The following ASB18 variants were observed in gnomAD, a reference collection of about 807,000 sequenced individuals.
The protein encoded by ASB18 is ankyrin repeat and SOCS box protein 18.
In ASB18, 33 loss-of-function variants were observed where a neutral mutation model predicts 33.4. That is an observed-to-expected ratio of 0.99 (90% CI 0.75 to 1.32). The LOEUF (loss-of-function observed/expected upper bound fraction) is 1.32, where lower values mean the gene tolerates loss of function less well. ASB18 is among the 40% of genes most tolerant of loss of function. ASB18 has a pLI of 0.00. For synonymous variants in ASB18, 295 were observed against 307.6 expected, an observed-to-expected ratio of 0.96 and a Z score of 0.43; for missense variants, 694 against 655.5, an observed-to-expected ratio of 1.06 and a Z score of -0.64.
chr2:236,217,925 G>C lies in ASB18; in HGVS notation c.597-3059C>G, dbSNP rs2060494970. Reference sequence around the variant, plus strand: ...TTTTGAACAGTGCAGCAGGACGTTAGAAATCAAGGGTTCCTTCTCGTTTTG... The same window carrying C: ...TTTTGAACAGTGCAGCAGGACGTTACAAATCAAGGGTTCCTTCTCGTTTTG... On this transcript the variant is annotated intron_variant, in intron 3 of 5. Coordinates refer to ENST00000409749, the MANE Select transcript of ASB18 (RefSeq NM_212556.4). The surrounding 1 kb of genome is among the most constrained non-coding windows in gnomAD (Gnocchi z 5.2). Among the ~76,000 whole-genome samples, 1 of 152,222 alleles carries C rather than the reference G, an allele frequency of 6.6e-6. No homozygotes were observed. Among genetic ancestry groups the C allele is most frequent in the African/African-American group, 2.4e-5 (1 of 41,450 alleles).
At chr2:236,201,207 A>C (rs1204072336) in intron 4 of ASB18, among the ~76,000 whole-genome samples, 2 of 151,622 alleles carry the variant, frequency 1.3e-5, no homozygotes, top group Admixed American at 6.6e-5. Flanking sequence ...GCTGCAGTGC[A>C]GTGGTGTGAT....
chr2:236,208,572 T>C lies in ASB18; in HGVS notation c.1101+5790A>G, dbSNP rs1387233096. On this transcript the variant is annotated intron_variant, in intron 4 of 5. Coordinates refer to ENST00000409749, the MANE Select transcript of ASB18 (RefSeq NM_212556.4). The surrounding 1 kb of genome is among the most constrained non-coding windows in gnomAD (Gnocchi z 7.7). ...CAGGTAACCCGGACATGCCCCACCCTGGGAAGAGGTGCCCTCCATTAGAGC... is the reference window on the plus strand; with the variant it reads ...CAGGTAACCCGGACATGCCCCACCCCGGGAAGAGGTGCCCTCCATTAGAGC... Among the ~76,000 whole-genome samples the C allele has an allele frequency of 6.6e-6, 1 of 151,300 alleles. No individual in the cohort carries two copies. The highest frequency in any genetic ancestry group is 1.5e-5 in the Non-Finnish European group (1 of 67,798).
chr2:236,262,697 AC>A lies in ASB18; in HGVS notation c.205+1443del, dbSNP rs775649727. Among the ~76,000 whole-genome samples, 11 of 150,470 alleles carry A rather than the reference AC, an allele frequency of 7.3e-5. No individual in the cohort carries two copies. The highest frequency in any genetic ancestry group is 1.3e-4 in the Non-Finnish European group (9 of 67,536). ...TGCTTGTGATGACAACCTCCCCTAA[AC>A]CCCCCCCAGGGCAATCTTCTAGAGA... On this transcript the variant is annotated intron_variant, in intron 1 of 5. Coordinates refer to ENST00000409749, the MANE Select transcript of ASB18 (RefSeq NM_212556.4). This position sits in a 1 kb window ranked among gnomAD's most constrained non-coding sequence, Gnocchi z 5.2.
chr2:236,228,643 G>A lies in ASB18; in HGVS notation c.596+9046C>T, dbSNP rs899143811. On this transcript the variant is annotated intron_variant, in intron 3 of 5. Coordinates refer to ENST00000409749, the MANE Select transcript of ASB18 (RefSeq NM_212556.4). This position sits in a 1 kb window ranked among gnomAD's most constrained non-coding sequence, Gnocchi z 5.1. Reference sequence around the variant, plus strand: ...ACCAGAAAGTTTCTAGGACAGAAACGGTGCAGTGCTCATCACATGCACAGG... The same window carrying A: ...ACCAGAAAGTTTCTAGGACAGAAACAGTGCAGTGCTCATCACATGCACAGG... Among the ~76,000 whole-genome samples the A allele has an allele frequency of 2.0e-5, 3 of 152,150 alleles. No individual in the cohort carries two copies. The highest frequency in any genetic ancestry group is 2.9e-5 in the Non-Finnish European group (2 of 68,038).
chr2:236,244,662 T>G lies in ASB18; in HGVS notation c.206-3260A>C, dbSNP rs2106281904. Among the ~76,000 whole-genome samples the G allele has an allele frequency of 6.6e-6, 1 of 151,952 alleles. No homozygotes were observed. The highest frequency in any genetic ancestry group is 2.1e-4 in the South Asian group (1 of 4,792). ...CTCTGAGTGCCCAACCAGAGCAGGC[T>G]TTCTGTGTGGGCTCTTTATTTGGAA... On this transcript the variant is annotated intron_variant, in intron 1 of 5. Coordinates refer to ENST00000409749, the MANE Select transcript of ASB18 (RefSeq NM_212556.4). The surrounding 1 kb of genome is among the most constrained non-coding windows in gnomAD (Gnocchi z 6.1).
chr2:236,240,229 C>A (rs989997348), intron 2 of ASB18, among the ~76,000 whole-genome samples: 2 of 152,202 alleles, frequency 1.3e-5, no homozygotes, highest in East Asian at 1.9e-4. Flanking sequence ...GGGTCGGCTG[C>A]GACATGCAGC....
intron 3 of ASB18, among the ~76,000 whole-genome samples, chr2:236,230,336 T>C (rs1000344493): frequency 6.6e-6 from 1 of 150,408 alleles, no homozygotes; most frequent in African/African-American, 2.5e-5. Flanking sequence ...CCATTAGACA[T>C]ACAGTGCAAG....
At chr2:236,199,537 A>G (rs1396816048) in intron 4 of ASB18, among the ~76,000 whole-genome samples, 2 of 150,442 alleles carry the variant, frequency 1.3e-5, no homozygotes, top group Admixed American at 6.7e-5. Flanking sequence ...TAAAATGATA[A>G]TATCACTATA....
chr2:236,244,634 G>A lies in ASB18; in HGVS notation c.206-3232C>T, dbSNP rs1244089999. ...CCCTACCCCTCGTCAAGTGCCCCCC[G>A]ACCTCTGAGTGCCCAACCAGAGCAG... On this transcript the variant is annotated intron_variant, in intron 1 of 5. Transcript: ENST00000409749. The surrounding 1 kb of genome is among the most constrained non-coding windows in gnomAD (Gnocchi z 6.1). Among the ~76,000 whole-genome samples the A allele has an allele frequency of 6.6e-6, 1 of 151,196 alleles. No homozygotes were observed. The highest frequency in any genetic ancestry group is 1.5e-5 in the Non-Finnish European group (1 of 67,844).
At position 236,252,571 on chromosome 2, in the gene ASB18, T is replaced by G. The variant is rs59316201; in HGVS notation, c.206-11169A>C. Among the ~76,000 whole-genome samples the G allele has an allele frequency of 4.5e-3, 688 of 152,204 alleles. 7 individuals are homozygous for G. The highest frequency in any genetic ancestry group is 0.015 in the African/African-American group (604 of 41,520). Reference sequence around the variant, plus strand: ...TGTCTGTTTTCTCCTCTTGATCTATTGTTGCGGGGAGCTATACCCTATGTT... The same window carrying G: ...TGTCTGTTTTCTCCTCTTGATCTATGGTTGCGGGGAGCTATACCCTATGTT... On this transcript the variant is annotated intron_variant, in intron 1 of 5. Transcript: ENST00000409749. The surrounding 1 kb of genome is among the most constrained non-coding windows in gnomAD (Gnocchi z 7.9).
chr2:236,226,725 T>G lies in ASB18; in HGVS notation c.596+10964A>C, dbSNP rs914550083. Among the ~76,000 whole-genome samples the G allele has an allele frequency of 6.6e-5, 10 of 152,198 alleles. No homozygotes were observed. Among genetic ancestry groups the G allele is most frequent in the Non-Finnish European group, 1.5e-4 (10 of 68,028 alleles). ...ATTTTGTGTTTATTTTGTGCTATGA[T>G]TGGGTGCTGCATTCTGATTTCTTAG... On this transcript the variant is annotated intron_variant, in intron 3 of 5. Transcript: ENST00000409749. This position sits in a 1 kb window ranked among gnomAD's most constrained non-coding sequence, Gnocchi z 4.8.
rs115723087 is a variant in ASB18 at position 236,262,760 on chromosome 2, G to A, written c.205+1381C>T. 0.012 allele frequency among the ~76,000 whole-genome samples: 1,848 copies of A among 152,216 alleles called. 47 individuals carry two copies. Among genetic ancestry groups the A allele is most frequent in the African/African-American group, 0.042 (1,753 of 41,530 alleles). On this transcript the variant is annotated intron_variant, in intron 1 of 5. Coordinates refer to ENST00000409749, the MANE Select transcript of ASB18 (RefSeq NM_212556.4). This position sits in a 1 kb window ranked among gnomAD's most constrained non-coding sequence, Gnocchi z 5.2. ...CCAAGTTTGGGATCATGGCTCCTGG[G>A]CCTATGGACCCCCGCCAGATATTAG...
At position 236,222,638 on chromosome 2, in the gene ASB18, A is replaced by T. The variant is rs1352456567; in HGVS notation, c.597-7772T>A. ...GGGCCTGGTGGGAGGTGGTTGGTTC[A>T]TGGGGGTAGGTCTCTCACGAATGGT... On this transcript the variant is annotated intron_variant, in intron 3 of 5. Coordinates refer to ENST00000409749, the MANE Select transcript of ASB18 (RefSeq NM_212556.4). The surrounding 1 kb of genome is among the most constrained non-coding windows in gnomAD (Gnocchi z 5.5). 6.6e-6 allele frequency among the ~76,000 whole-genome samples: 1 copy of T among 152,162 alleles called. No homozygotes were observed. The highest frequency in any genetic ancestry group is 2.4e-5 in the African/African-American group (1 of 41,426).
chr2:236,209,384 T>C lies in ASB18; in HGVS notation c.1101+4978A>G, dbSNP rs915954197. 6.6e-6 allele frequency among the ~76,000 whole-genome samples: 1 copy of C among 151,966 alleles called. No individual in the cohort carries two copies. Among genetic ancestry groups the C allele is most frequent in the African/African-American group, 2.4e-5 (1 of 41,344 alleles). On this transcript the variant is annotated intron_variant, in intron 4 of 5. Coordinates refer to ENST00000409749, the MANE Select transcript of ASB18 (RefSeq NM_212556.4). This position sits in a 1 kb window ranked among gnomAD's most constrained non-coding sequence, Gnocchi z 4.4. ...ACCCCCTGGGTTTAGGTAATCCTCC[T>C]GTCTCAGCCTCCTGAGTAACTGGGA... is the stretch of plus-strand genomic sequence containing the variant.
chr2:236,210,814 T>C (rs7584847), intron 4 of ASB18, among the ~76,000 whole-genome samples: 26,229 of 152,154 alleles, frequency 0.17, 2,282 homozygotes, highest in South Asian at 0.25. Context: ...AAGGAGGCAG[T>C]GGAGGGCAGG....
rs2060366182 is a variant in ASB18, at chr2:236,195,207, G to C, written c.1216-150C>G. On this transcript the variant is annotated intron_variant, in intron 5 of 5. Coordinates refer to ENST00000409749, the MANE Select transcript of ASB18 (RefSeq NM_212556.4). This position sits in a 1 kb window ranked among gnomAD's most constrained non-coding sequence, Gnocchi z 5.5. ...CTGGAGGGAGACGCACCATCTTGTG[G>C]GAACCACCCTCTACCCCAGGGGCTT... The C allele has an allele frequency of 8.5e-6, 6 of 705,134 alleles. No homozygotes were observed. The highest frequency in any genetic ancestry group is 1.4e-5 in the Non-Finnish European group (6 of 426,864). 43.7% of individuals were successfully genotyped at this position (705,134 alleles called of 1,614,324 possible). A position where few individuals can be genotyped will look rare whatever the true frequency, so the allele number is the denominator to read the frequency against.
In ASB18 at chr2:236,256,519, G is replaced by C. The variant is rs555049132; in HGVS notation, c.205+7622C>G. On this transcript the variant is annotated intron_variant, in intron 1 of 5. Coordinates refer to ENST00000409749, the MANE Select transcript of ASB18 (RefSeq NM_212556.4). The surrounding 1 kb of genome is among the most constrained non-coding windows in gnomAD (Gnocchi z 4.7). ...CTTCGGAATGTTTACTTCTCAAGCA[G>C]AGCACTTGTGGCAGGAAACTGTCGT... Among the ~76,000 whole-genome samples, 1 of 152,296 alleles carries C rather than the reference G, an allele frequency of 6.6e-6. No homozygotes were observed. The highest frequency in any genetic ancestry group is 2.1e-4 in the South Asian group (1 of 4,826).
intron 1 of ASB18, chr2:236,247,398 C>A (rs2106282977): frequency 6.6e-6 from 1 of 152,168 alleles, no homozygotes. Flanking sequence ...AGGCAAAAAA[C>A]CTAACAATAC....
Position 236,214,158 on chromosome 2 carries a change from G to T in ASB18, c.1101+204C>A. 2 of 574,188 alleles carry T rather than the reference G, an allele frequency of 3.5e-6. No homozygotes were observed. The highest frequency in any genetic ancestry group is 6.0e-6 in the Non-Finnish European group (2 of 334,118). The allele number at this position is 574,188 out of a possible 1,614,324, so 35.6% of individuals were successfully genotyped here. A position where few individuals can be genotyped will look rare whatever the true frequency, so the allele number is the denominator to read the frequency against. Reference sequence around the variant, plus strand: ...TCCTCAAAATGGGGTCCCAGGAACAGCAGTCTAGGCCACACCCGGGAGCTT... The same window carrying T: ...TCCTCAAAATGGGGTCCCAGGAACATCAGTCTAGGCCACACCCGGGAGCTT... On this transcript the variant is annotated intron_variant, in intron 4 of 5. Coordinates refer to ENST00000409749, the MANE Select transcript of ASB18 (RefSeq NM_212556.4). This position sits in a 1 kb window ranked among gnomAD's most constrained non-coding sequence, Gnocchi z 6.5.
Sources: allele counts gnomAD v4.1 joint callset (sites outside exome capture counted in the v4.1 genomes callset), GRCh38; gene constraint gnomAD v4.1.1; non-coding constraint Gnocchi (gnomAD v3.1); transcripts MANE v1.5; gene names NCBI Gene and HGNC (gene_info 2026-07-23, HGNC 2026-07-21).